Variants in ADCY2 observed in about 807,000 individuals in gnomAD.
ADCY2 encodes the protein adenylate cyclase type 2.
ADCY2 carries 31 observed loss-of-function variants against 125.2 expected under a neutral mutation model. The ratio of observed to expected loss-of-function variants is 0.25; its 90% CI spans 0.19 to 0.33. ADCY2 has a LOEUF of 0.33. Among genes scored for constraint, ADCY2 ranks in the 10% least tolerant of loss-of-function variants. The pLI is 1.00. For missense variants in ADCY2, 904 were observed against 1,418.2 expected, an observed-to-expected ratio of 0.64 and a Z score of 5.82; for synonymous variants, 512 against 548.4, an observed-to-expected ratio of 0.93 and a Z score of 0.93.
chr5:7,492,135 G>T (rs575747851), intron 2 of ADCY2, among the ~76,000 whole-genome samples: 75 of 152,308 alleles, frequency 4.9e-4, no homozygotes, highest in African/African-American at 1.7e-3. Flanking sequence ...TCTTGACCAG[G>T]TTGAAAGGGC....
At chr5:7,685,429 G>T (rs1740487690) in intron 4 of ADCY2, 1 of 152,240 alleles carries the variant, frequency 6.6e-6, no homozygotes, top group African/African-American at 2.4e-5. Flanking sequence ...AGGTGGCAGA[G>T]AAAGGGTGGA....
chr5:7,398,433 A>C (rs13153439), intron 1 of ADCY2, among the ~76,000 whole-genome samples: 91,246 of 152,068 alleles, frequency 0.6, 28,569 homozygotes, highest in African/African-American at 0.74. Flanking sequence ...CTTGGTGCAT[A>C]TGTGTTAGTG....
In ADCY2 at chr5:7,820,707, C is replaced by A; in HGVS notation, c.3123+18C>A. 1 of 1,607,880 alleles carries A rather than the reference C, an allele frequency of 6.2e-7. No individual in the cohort carries two copies. Among genetic ancestry groups the A allele is most frequent in the South Asian group, 1.1e-5 (1 of 90,386 alleles). On this transcript the variant is annotated intron_variant, in intron 24 of 24. Transcript: ENST00000338316. ...AAATACAGGTAATGCAGAGTGTGGT[C>A]TGCGCTGCCTGCATCAACCATGTCT... is the stretch of plus-strand genomic sequence containing the variant.
rs370289821 is a variant in ADCY2, at chr5:7,805,457, T to TGA, written c.2883+784_2883+785dup. Reference sequence around the variant, plus strand: ...CGAGATTTTCTCGTGTGTGTGTGTGTGAGAGAGAGAGAGAGAGAGACAGCA... The same window carrying TGA: ...CGAGATTTTCTCGTGTGTGTGTGTGTGAGAGAGAGAGAGAGAGAGAGACAGCA... On this transcript the variant is annotated intron_variant, in intron 22 of 24. Coordinates refer to ENST00000338316, the MANE Select transcript of ADCY2 (RefSeq NM_020546.3). 6.1e-3 allele frequency among the ~76,000 whole-genome samples: 919 copies of TGA among 150,666 alleles called. 6 individuals carry two copies. Among genetic ancestry groups the TGA allele is most frequent in the African/African-American group, 0.018 (723 of 41,190 alleles).
intron 4 of ADCY2, among the ~76,000 whole-genome samples, chr5:7,638,575 A>C (rs368390767): frequency 6.6e-6 from 1 of 152,228 alleles, no homozygotes; most frequent in East Asian, 1.9e-4. Flanking sequence ...TCCCAGCATG[A>C]GGCCAATGTG....
chr5:7,494,880 T>G (rs1040750988), intron 2 of ADCY2, among the ~76,000 whole-genome samples: 20 of 152,154 alleles, frequency 1.3e-4, no homozygotes, highest in African/African-American at 4.8e-4. Context: ...GTGGAAAGGG[T>G]GTTGTAACTG....
intron 2 of ADCY2, among the ~76,000 whole-genome samples, chr5:7,489,390 TG>T (rs1326656972): frequency 7.2e-5 from 11 of 152,174 alleles, no homozygotes; most frequent in Admixed American, 7.2e-4. Context: ...AGCCCTTCCT[TG>T]GGTTGCTTCT....
At chr5:7,658,455 G>T (rs1051453870) in intron 4 of ADCY2, among the ~76,000 whole-genome samples, 1 of 129,974 alleles carries the variant, frequency 7.7e-6, no homozygotes, top group African/African-American at 2.7e-5. Context: ...ATTTGAGATG[G>T]AGTCTCACTC....
rs56369200 is a variant in ADCY2 at position 7,803,414 on chromosome 5, C to T, written c.2775+1050C>T. 5.5e-3 allele frequency among the ~76,000 whole-genome samples: 840 copies of T among 152,336 alleles called. 6 individuals carry two copies. Among genetic ancestry groups the T allele is most frequent in the African/African-American group, 0.02 (813 of 41,578 alleles). ...GAAAACGCTCTTGGTCTCCGGTCAG[C>T]GCCATTTGAGCCCTGCCCTCCTGAG... On this transcript the variant is annotated intron_variant, in intron 21 of 24. Coordinates refer to ENST00000338316, the MANE Select transcript of ADCY2 (RefSeq NM_020546.3).
chr5:7,511,359 A>G (rs968127560), intron 2 of ADCY2, among the ~76,000 whole-genome samples: 1 of 152,130 alleles, frequency 6.6e-6, no homozygotes, highest in African/African-American at 2.4e-5. Context: ...GCAGATCACG[A>G]GGTCAGGAGA....
At chr5:7,707,899 A>C in intron 9 of ADCY2, 61 bp downstream of exon 9, 1 of 1,562,484 alleles carries the variant, frequency 6.4e-7, no homozygotes, top group Non-Finnish European at 8.7e-7. Context: ...ATTGATATTC[A>C]TAAGTGTTTT....
At chr5:7,804,307 T>A (rs1744692781) in intron 21 of ADCY2, among the ~76,000 whole-genome samples, 2 of 152,232 alleles carry the variant, frequency 1.3e-5, no homozygotes, top group Non-Finnish European at 2.9e-5. Flanking sequence ...GTCATTTGCA[T>A]CATAATTCAT....
chr5:7,776,216 A>AG (rs1314176790), intron 18 of ADCY2, among the ~76,000 whole-genome samples: 7 of 134,818 alleles, frequency 5.2e-5, no homozygotes, highest in African/African-American at 1.4e-4. Context: ...AAAAAAAAAA[A>AG]GCTGTGTAAC....
chr5:7,660,600 G>A (rs1719091859), intron 4 of ADCY2, among the ~76,000 whole-genome samples: 1 of 152,184 alleles, frequency 6.6e-6, no homozygotes, highest in Non-Finnish European at 1.5e-5. Context: ...CTGCAGTCTG[G>A]AGTCAGAAGG....
chr5:7,577,930 A>G (rs546700145), intron 3 of ADCY2, among the ~76,000 whole-genome samples: 1 of 152,264 alleles, frequency 6.6e-6, no homozygotes, highest in South Asian at 2.1e-4. Context: ...GAAGGACAAG[A>G]GATTTTCCCA....
At position 7,532,739 on chromosome 5, in the gene ADCY2, C is replaced by T. The variant is rs1734691598; in HGVS notation, c.570+11840C>T. ...ATTCGTGGACAAGACTGTATGATTT[C>T]TCTCCTTTTGTAATGTGGGACAATT... On this transcript the variant is annotated intron_variant, in intron 3 of 24. Coordinates refer to ENST00000338316, the MANE Select transcript of ADCY2 (RefSeq NM_020546.3). Among the ~76,000 whole-genome samples the T allele has an allele frequency of 2.0e-5, 3 of 152,112 alleles. No homozygotes were observed. The South Asian group carries it at 6.2e-4, about 32-fold the overall frequency.
At chr5:7,642,644 A>T (rs1360381993) in intron 4 of ADCY2, among the ~76,000 whole-genome samples, 2 of 152,108 alleles carry the variant, frequency 1.3e-5, no homozygotes, top group Non-Finnish European at 2.9e-5. Context: ...CAAAATGAAC[A>T]TCACCAATGC....
At chr5:7,747,592 G>A (rs913038488) in intron 15 of ADCY2, among the ~76,000 whole-genome samples, 2 of 152,050 alleles carry the variant, frequency 1.3e-5, no homozygotes, top group East Asian at 1.9e-4. Context: ...ATCACGCTGC[G>A]TCAAAATGCC....
At chr5:7,567,271 C>T (rs899031097) in intron 3 of ADCY2, among the ~76,000 whole-genome samples, 6 of 152,060 alleles carry the variant, frequency 3.9e-5, no homozygotes, top group African/African-American at 1.4e-4. Flanking sequence ...TGAATTAGCT[C>T]CCAAGAACAA....
Sources: gnomAD v4.1 joint callset for allele counts (sites outside exome capture counted in the v4.1 genomes callset) on GRCh38, gnomAD v4.1.1 for gene constraint, MANE v1.5 for transcripts, NCBI Gene and HGNC (gene_info 2026-07-23, HGNC 2026-07-21) for gene names.